The following NCOA1 variants were observed in gnomAD, a reference collection of about 807,000 sequenced individuals.
The protein encoded by NCOA1 is Hin-2 protein.
A neutral mutation model predicts 150.9 loss-of-function variants in NCOA1; 35 were observed. That is an observed-to-expected ratio of 0.23 (90% CI 0.18 to 0.31). The LOEUF is 0.31. Among genes scored for constraint, NCOA1 ranks in the 10% least tolerant of loss-of-function variants. The pLI is 1.00. For missense variants in NCOA1, 1,491 were observed against 1,749.3 expected (o/e 0.85, Z 2.63); for synonymous variants, 590 against 630.0 (o/e 0.94, Z 0.95).
intron 1 of NCOA1, among the ~76,000 whole-genome samples, chr2:24,495,279 G>A (rs1663155957): frequency 6.6e-6 from 1 of 152,116 alleles, no homozygotes. Context: ...AGTAAAGTGA[G>A]TTGTATCCAT....
At chr2:24,696,172 T>G (rs1001529138) in intron 10 of NCOA1, among the ~76,000 whole-genome samples, 2 of 152,200 alleles carry the variant, frequency 1.3e-5, no homozygotes, top group Non-Finnish European at 2.9e-5. Context: ...ATGCCAAGAC[T>G]TAGGTGATAA....
chr2:24,682,430 C>T (rs1000892345), intron 7 of NCOA1, among the ~76,000 whole-genome samples: 10 of 152,040 alleles, frequency 6.6e-5, no homozygotes, highest in African/African-American at 2.4e-4. Context: ...TCCCGTGCTC[C>T]CTTGTGGATA....
In NCOA1 at chr2:24,728,321, T is replaced by G. The variant is rs1191843480; in HGVS notation, c.2731T>G (p.Ser911Ala). The stretch of plus-strand genomic sequence containing the variant: ...TTAATCCTGCAGCCAGTGTATTAGC[T>G]CACAATTAGATGAGCTTCTCTGTCC... ...QSKSEDQCISSQLDELLCPPT... is the reference protein window; with the variant it reads ...QSKSEDQCISAQLDELLCPPT... The change falls in exon 16 of 23, where the codon TCA becomes GCA. Residue 911 changes from serine (S) to alanine (A), a missense_variant. Coordinates refer to ENST00000348332, the MANE Select transcript of NCOA1 (RefSeq NM_003743.5). 6.2e-7 allele frequency: 1 copy of G among 1,610,786 alleles called. No homozygotes were observed. The highest frequency in any genetic ancestry group is 8.5e-7 in the Non-Finnish European group (1 of 1,178,842).
chr2:24,684,826 C>T (rs1672330420), intron 8 of NCOA1, among the ~76,000 whole-genome samples: 1 of 151,960 alleles, frequency 6.6e-6, no homozygotes, highest in Admixed American at 6.6e-5. Context: ...TGAGATGGTC[C>T]CACCAAAAGA....
intron 3 of NCOA1, among the ~76,000 whole-genome samples, chr2:24,633,186 A>G (rs1669783964): frequency 2.0e-5 from 3 of 152,164 alleles, no homozygotes; most frequent in African/African-American, 4.8e-5. Context: ...AGATATGTGC[A>G]TGCAGAAAGA....
At chr2:24,658,256 T>C (rs1671031161) in intron 4 of NCOA1, among the ~76,000 whole-genome samples, 2 of 152,244 alleles carry the variant, frequency 1.3e-5, no homozygotes, top group South Asian at 2.1e-4. Context: ...TTAAATTCTT[T>C]TGAAAAGCAG....
At chr2:24,595,451 T>C (rs1667846956) in intron 3 of NCOA1, among the ~76,000 whole-genome samples, 1 of 152,110 alleles carries the variant, frequency 6.6e-6, no homozygotes. Flanking sequence ...TTTATTGGAG[T>C]CTTGACGCTT....
At chr2:24,640,882 T>G (rs1348670465) in intron 3 of NCOA1, among the ~76,000 whole-genome samples, 1 of 152,078 alleles carries the variant, frequency 6.6e-6, no homozygotes, top group African/African-American at 2.4e-5. Context: ...GTGGGTTTGC[T>G]TTTTCCCTAG....
At chr2:24,596,809 T>TA (rs1477899332) in intron 3 of NCOA1, among the ~76,000 whole-genome samples, 6 of 152,318 alleles carry the variant, frequency 3.9e-5, no homozygotes, top group African/African-American at 1.2e-4. Context: ...GTTAAAGACT[T>TA]ACGCCATTCT....
Position 24,758,016 on chromosome 2 carries a change from C to T in NCOA1, c.3925C>T (p.Pro1309Ser). 1 of 1,614,100 alleles carries T rather than the reference C, an allele frequency of 6.2e-7. No homozygotes were observed. Among genetic ancestry groups the T allele is most frequent in the East Asian group, 2.2e-5 (1 of 44,882 alleles). Residue 1309 changes from proline (P) to serine (S), a missense_variant, in exon 21 of 23, where the codon CCA (proline) becomes TCA (serine). By Grantham distance (74) the Pro-to-Ser change is moderately conservative. This residue lies in a region of NCOA1 where 485 missense variants were observed against 522.8 expected (regional missense o/e 0.93). Coordinates refer to ENST00000348332, the MANE Select transcript of NCOA1 (RefSeq NM_003743.5). ...CCAGAACCAGCCCACGCCTGCACAG[C>T]CAGGAGTATACAACAACATGAGCAT... ...AVQNQPTPAQ[P>S]GVYNNMSITV...
At chr2:24,743,679 T>G (rs1486207489) in intron 19 of NCOA1, among the ~76,000 whole-genome samples, 1 of 152,212 alleles carries the variant, frequency 6.6e-6, no homozygotes, top group Non-Finnish European at 1.5e-5. Context: ...AAGTACTTCC[T>G]CCAACATTAG....
intron 22 of NCOA1, chr2:24,767,874 C>T (rs758569213): frequency 4.0e-6 from 2 of 505,036 alleles, no homozygotes; most frequent in African/African-American, 1.9e-5. Context: ...TTCTAAATAT[C>T]ATGTATTTTT....
At chr2:24,735,054 C>A (rs1208436936) in intron 17 of NCOA1, among the ~76,000 whole-genome samples, 2 of 152,066 alleles carry the variant, frequency 1.3e-5, no homozygotes, top group African/African-American at 4.8e-5. Context: ...TCATCTTATA[C>A]AAGACACAAA....
At chr2:24,651,894 T>G (rs529875853) in intron 4 of NCOA1, among the ~76,000 whole-genome samples, 7 of 152,166 alleles carry the variant, frequency 4.6e-5, no homozygotes, top group African/African-American at 1.7e-4. Flanking sequence ...CTTTATTTGG[T>G]GAGGTTGTGG....
intron 4 of NCOA1, among the ~76,000 whole-genome samples, chr2:24,649,641 ATTC>A (rs1670626016): frequency 6.6e-6 from 1 of 152,250 alleles, no homozygotes; most frequent in Non-Finnish European, 1.5e-5. Flanking sequence ...GCAAATGTTT[ATTC>A]TTCATCTTAA....
intron 1 of NCOA1, among the ~76,000 whole-genome samples, chr2:24,559,696 C>T (rs1292947561): frequency 6.6e-6 from 1 of 152,148 alleles, no homozygotes; most frequent in Admixed American, 6.5e-5. Context: ...TCCTTCTTTT[C>T]CCCTAGCGGT....
intron 22 of NCOA1, among the ~76,000 whole-genome samples, chr2:24,767,067 C>T (rs771021238): frequency 3.8e-4 from 58 of 152,168 alleles, no homozygotes; most frequent in Non-Finnish European, 8.2e-4. Flanking sequence ...GAGATATAAA[C>T]GGATTAAGAG....
intron 1 of NCOA1, among the ~76,000 whole-genome samples, chr2:24,537,377 A>G (rs1665198876): frequency 6.6e-6 from 1 of 152,082 alleles, no homozygotes; most frequent in Non-Finnish European, 1.5e-5. Context: ...TCAGACATGG[A>G]AAAATATTGT....
At chr2:24,608,704 GTT>G (rs56710627) in intron 3 of NCOA1, among the ~76,000 whole-genome samples, 51,247 of 117,352 alleles carry the variant, frequency 0.44, 8,937 homozygotes, top group East Asian at 0.65. Context: ...TTGTTGTTGT[GTT>G]TTTTTTTTTT....
Sources: gnomAD v4.1 joint callset for allele counts (sites outside exome capture counted in the v4.1 genomes callset) on GRCh38, gnomAD v4.1.1 for gene constraint, gnomAD v4.1.1 regional missense constraint, MANE v1.5 for transcripts, NCBI Gene and HGNC (gene_info 2026-07-23, HGNC 2026-07-21) for gene names.